ATP9A: variants seen among roughly 807,000 people sequenced by gnomAD.
ATP9A encodes ATPase phospholipid transporting 9A.
ATP9A carries 52 observed loss-of-function variants against 144.1 expected under a neutral mutation model. The ratio of observed to expected loss-of-function variants is 0.36; its 90% confidence interval spans 0.29 to 0.45. ATP9A has a LOEUF of 0.45. ATP9A is among the 20% of genes least tolerant of loss of function. The probability of loss-of-function intolerance (pLI) is 1.00; values close to 1 mark genes in which losing one functional copy is unlikely to be tolerated. For synonymous variants in ATP9A, 582 were observed against 557.4 expected (o/e 1.04, Z -0.62); for missense variants, 947 against 1,392.7 (o/e 0.68, Z 5.09).
chr20:51,700,805 G>T (rs1313491559), intron 4 of ATP9A, among the ~76,000 whole-genome samples: 1 of 152,168 alleles, frequency 6.6e-6, no homozygotes, highest in Non-Finnish European at 1.5e-5. Flanking sequence ...ACTCCAACCT[G>T]GGCAACAAGA....
At chr20:51,691,649 G>C (rs1320909980) in intron 7 of ATP9A, among the ~76,000 whole-genome samples, 7 of 152,300 alleles carry the variant, frequency 4.6e-5, no homozygotes, top group Middle Eastern at 6.8e-3. Flanking sequence ...CACTGTTGCT[G>C]GGAACGCAAG....
chr20:51,624,011 A>C (rs1160285511), intron 18 of ATP9A, among the ~76,000 whole-genome samples: 2 of 152,182 alleles, frequency 1.3e-5, no homozygotes, highest in Non-Finnish European at 2.9e-5. Flanking sequence ...CCCCAGGACA[A>C]AGATGGAAGC....
At chr20:51,763,713 T>G (rs1041556192) in intron 1 of ATP9A, among the ~76,000 whole-genome samples, 2 of 152,184 alleles carry the variant, frequency 1.3e-5, no homozygotes, top group Non-Finnish European at 2.9e-5. Context: ...TTCTTCTTTC[T>G]CAATCTGATT....
chr20:51,650,871 T>A (rs1395019226), intron 14 of ATP9A, among the ~76,000 whole-genome samples: 2 of 150,616 alleles, frequency 1.3e-5, no homozygotes, highest in African/African-American at 4.9e-5. Context: ...ACACACATAC[T>A]AACATGGCAC....
At position 51,617,075 on chromosome 20, in the gene ATP9A, G is replaced by A. The variant is rs113095993; in HGVS notation, c.2415+415C>T. Reference sequence around the variant, plus strand: ...TCCTATCTCAGCCTCCCAAGTAGCTGTGATTACAGGCACCCACCACCATGC... The same window carrying A: ...TCCTATCTCAGCCTCCCAAGTAGCTATGATTACAGGCACCCACCACCATGC... On this transcript the variant is annotated intron_variant, in intron 22 of 27. Coordinates refer to ENST00000338821, the MANE Select transcript of ATP9A (RefSeq NM_006045.3). Among the ~76,000 whole-genome samples, 474 of 151,500 alleles carry A rather than the reference G, an allele frequency of 3.1e-3. 2 individuals carry two copies. Among genetic ancestry groups the A allele is most frequent in the Non-Finnish European group, 5.6e-3 (383 of 67,936 alleles).
At chr20:51,619,152 G>A in intron 19 of ATP9A, 109 bp from the exon 20 acceptor site, 1 of 889,094 alleles carries the variant, frequency 1.1e-6, no homozygotes. Context: ...CCCAGCCAAG[G>A]GTCCCTCCCC....
intron 1 of ATP9A, among the ~76,000 whole-genome samples, chr20:51,761,707 C>A (rs905683248): frequency 4.6e-5 from 7 of 151,856 alleles, no homozygotes; most frequent in Non-Finnish European, 1.0e-4. Context: ...TTGCAGTGAG[C>A]CAAGGTTGCG....
intron 9 of ATP9A, among the ~76,000 whole-genome samples, chr20:51,676,434 A>C (rs1468705869): frequency 6.6e-6 from 1 of 151,854 alleles, no homozygotes; most frequent in Admixed American, 6.6e-5. Context: ...TAGCCTCCTC[A>C]ATAACTGGGA....
chr20:51,626,528 G>T (rs772594090), intron 17 of ATP9A, among the ~76,000 whole-genome samples: 1 of 150,664 alleles, frequency 6.6e-6, no homozygotes, highest in Non-Finnish European at 1.5e-5. Context: ...TTAGGGAGCC[G>T]AACCAGATGC....
intron 3 of ATP9A, among the ~76,000 whole-genome samples, chr20:51,724,348 C>T (rs146002984): frequency 2.0e-4 from 31 of 152,138 alleles, no homozygotes; most frequent in Non-Finnish European, 3.7e-4. Flanking sequence ...TACATTGGAC[C>T]TCTTTCTGTT....
chr20:51,696,839 C>T (rs2077572689), intron 5 of ATP9A, among the ~76,000 whole-genome samples: 1 of 152,158 alleles, frequency 6.6e-6, no homozygotes, highest in South Asian at 2.1e-4. Context: ...TTATTCCAAG[C>T]CTCTCCAGAG....
intron 4 of ATP9A, among the ~76,000 whole-genome samples, chr20:51,701,653 CA>C (rs1251380844): frequency 6.6e-6 from 1 of 152,200 alleles, no homozygotes; most frequent in Non-Finnish European, 1.5e-5. Context: ...GCTCTTGCTC[CA>C]CCTCTAAGGG....
intron 9 of ATP9A, among the ~76,000 whole-genome samples, chr20:51,685,917 G>C (rs1434822918): frequency 6.6e-6 from 1 of 152,136 alleles, no homozygotes; most frequent in Non-Finnish European, 1.5e-5. Context: ...ACATGCACAC[G>C]TATGTTTATT....
chr20:51,661,120 T>C (rs889294118), intron 13 of ATP9A, among the ~76,000 whole-genome samples: 1 of 152,162 alleles, frequency 6.6e-6, no homozygotes, highest in Non-Finnish European at 1.5e-5. Context: ...ATTTATAGCA[T>C]CCCAGCCAAT....
rs560802757 is a variant in ATP9A, at chr20:51,689,193, A to C, written c.724-54T>G. On this transcript the variant is annotated intron_variant, in intron 8 of 27. Coordinates refer to ENST00000338821, the MANE Select transcript of ATP9A (RefSeq NM_006045.3). ...ACCCCCCAAAGCTTCCCCAGAATCCACAGGCTGCTTCTAGCATGGTCCGCT... is the reference window on the plus strand; with the variant it reads ...ACCCCCCAAAGCTTCCCCAGAATCCCCAGGCTGCTTCTAGCATGGTCCGCT... 97 of 1,562,186 alleles carry C rather than the reference A, an allele frequency of 6.2e-5. No individual in the cohort carries two copies. In the East Asian group the frequency reaches 1.5e-3, roughly 25 times the overall value.
At chr20:51,662,159 C>T (rs895170098) in intron 13 of ATP9A, among the ~76,000 whole-genome samples, 1 of 152,186 alleles carries the variant, frequency 6.6e-6, no homozygotes, top group Non-Finnish European at 1.5e-5. Context: ...GGTGAGTTAG[C>T]GCAACTGAAC....
chr20:51,731,888 G>A (rs974225813), intron 1 of ATP9A, among the ~76,000 whole-genome samples: 1 of 151,998 alleles, frequency 6.6e-6, no homozygotes, highest in Non-Finnish European at 1.5e-5. Flanking sequence ...CTATATAAAG[G>A]AAAAGGGGGA....
chr20:51,696,506 C>G (rs1416361507), intron 5 of ATP9A, among the ~76,000 whole-genome samples: 1 of 152,194 alleles, frequency 6.6e-6, no homozygotes, highest in Non-Finnish European at 1.5e-5. Flanking sequence ...AGACCCTCCT[C>G]TCTCGCTTTC....
Position 51,647,411 on chromosome 20 carries a change from C to T in ATP9A, c.1507-7907G>A, listed in dbSNP as rs535392560. Among the ~76,000 whole-genome samples, 10 of 151,240 alleles carry T rather than the reference C, an allele frequency of 6.6e-5. No individual in the cohort carries two copies. In the East Asian group the frequency reaches 2.0e-3, roughly 30 times the overall value. ...TAAAAATACAAAAAAATTAGCCAGG[C>T]GTGGTGGCACACACCTGTAATCCCA... On this transcript the variant is annotated intron_variant, in intron 14 of 27. Coordinates refer to ENST00000338821, the MANE Select transcript of ATP9A (RefSeq NM_006045.3).
Sources: gnomAD v4.1 joint callset for allele counts (sites outside exome capture counted in the v4.1 genomes callset) on GRCh38, gnomAD v4.1.1 for gene constraint, MANE v1.5 for transcripts, NCBI Gene and HGNC (gene_info 2026-07-23, HGNC 2026-07-21) for gene names.